Variants in GABRG1 observed in about 807,000 individuals in gnomAD.
GABRG1 encodes gamma-aminobutyric acid type A receptor subunit gamma1.
In GABRG1, 49 loss-of-function variants were observed where a neutral mutation model predicts 49.8. That is an observed-to-expected ratio of 0.98 (90% CI 0.78 to 1.25). The LOEUF is 1.25. Ranked by LOEUF, GABRG1 falls within the 50% of genes most tolerant of loss-of-function variation. The pLI is 0.00. For missense variants in GABRG1, 552 were observed against 552.3 expected, an observed-to-expected ratio of 1.00 and a Z score of 0.01; for synonymous variants, 232 against 185.1, an observed-to-expected ratio of 1.25 and a Z score of -2.06.
chr4:46,111,880 T>C (rs916670098), intron 1 of GABRG1, among the ~76,000 whole-genome samples: 2 of 151,262 alleles, frequency 1.3e-5, no homozygotes. Context: ...CTTCACACTG[T>C]AATAATCCTA....
At chr4:46,067,771 G>T (rs369094257) in intron 3 of GABRG1, among the ~76,000 whole-genome samples, 85 of 152,042 alleles carry the variant, frequency 5.6e-4, no homozygotes, top group Non-Finnish European at 1.0e-3. Context: ...AAGGCAAACC[G>T]CATCCCATAA....
chr4:46,046,390 T>A (rs2109393936), intron 8 of GABRG1, among the ~76,000 whole-genome samples: 1 of 152,234 alleles, frequency 6.6e-6, no homozygotes, highest in Non-Finnish European at 1.5e-5. Context: ...AACTGGTTAC[T>A]CTATCTATTG....
intron 2 of GABRG1, among the ~76,000 whole-genome samples, chr4:46,096,884 G>C (rs566292399): frequency 1.3e-5 from 2 of 151,594 alleles, no homozygotes; most frequent in Non-Finnish European, 3.0e-5. Flanking sequence ...TATAAAAATG[G>C]TCATTATTCT....
chr4:46,051,286 C>T, intron 8 of GABRG1, 138 bp downstream of exon 8: 1 of 632,174 alleles, frequency 1.6e-6, no homozygotes, highest in Non-Finnish European at 2.7e-6. Flanking sequence ...ATGTTAGGTA[C>T]TCCAGTTTCA....
Position 46,038,309 on chromosome 4 carries a change from A to C in GABRG1, c.*2679T>G, listed in dbSNP as rs1717611812. The C allele has an allele frequency of 6.6e-6, 1 of 151,626 alleles. No individual in the cohort carries two copies. The highest frequency in any genetic ancestry group is 2.1e-4 in the South Asian group (1 of 4,832). 9.4% of individuals were successfully genotyped at this position (151,626 alleles called of 1,614,324 possible). On this transcript the variant is annotated 3_prime_UTR_variant, in exon 9 of 9. Coordinates refer to ENST00000295452, the MANE Select transcript of GABRG1 (RefSeq NM_173536.4). ...ATAAAATATTACCCTGTCATTGTAA[A>C]TCCAAAATCACATTTTCCCCTCTCA...
At chr4:46,088,738 T>TAC (rs3069480) in intron 2 of GABRG1, among the ~76,000 whole-genome samples, 9,035 of 142,646 alleles carry the variant, frequency 0.063, 315 homozygotes, top group Non-Finnish European at 0.073. Flanking sequence ...CACTATAAAA[T>TAC]ACACACACAC....
rs377481920 is a variant in GABRG1, at chr4:46,118,132, G to GTGTGTATATATATATATATATA, written c.104+5677_104+5678insTATATATATATATATATACACA. On this transcript the variant is annotated intron_variant, in intron 1 of 8. Transcript: ENST00000295452. ...TATATACATATATACGTGTGTGTGTGTATATATATATATACAGCTACAGTA... is the reference window on the plus strand; with the variant it reads ...TATATACATATATACGTGTGTGTGTGTGTGTATATATATATATATATATATATATATATATACAGCTACAGTA... 4.2e-3 allele frequency among the ~76,000 whole-genome samples: 467 copies of GTGTGTATATATATATATATATA among 109,952 alleles called. 39 individuals are homozygous for GTGTGTATATATATATATATATA. Among genetic ancestry groups the GTGTGTATATATATATATATATA allele is most frequent in the African/African-American group, 0.025 (443 of 17,882 alleles). The allele number at this position is 109,952 out of a possible 152,430, so 72.1% of individuals were successfully genotyped here. A position where few individuals can be genotyped will look rare whatever the true frequency, so the allele number is the denominator to read the frequency against.
intron 3 of GABRG1, among the ~76,000 whole-genome samples, chr4:46,077,265 C>G (rs917334192): frequency 3.3e-5 from 5 of 151,324 alleles, no homozygotes; most frequent in Admixed American, 6.6e-5. Context: ...CAAACCTGCA[C>G]GTTGTGCACA....
At chr4:46,114,602 A>G (rs1345888654) in intron 1 of GABRG1, among the ~76,000 whole-genome samples, 1 of 150,952 alleles carries the variant, frequency 6.6e-6, no homozygotes, top group African/African-American at 2.4e-5. Context: ...ACCTACTCCC[A>G]AATCTGATAC....
chr4:46,086,740 A>G (rs1181765127), intron 2 of GABRG1, among the ~76,000 whole-genome samples: 1 of 151,642 alleles, frequency 6.6e-6, no homozygotes, highest in Non-Finnish European at 1.5e-5. Context: ...ATATAGGTAC[A>G]ATTCCAAGAA....
chr4:46,115,476 C>T (rs1720854901), intron 1 of GABRG1, among the ~76,000 whole-genome samples: 1 of 150,426 alleles, frequency 6.6e-6, no homozygotes, highest in Non-Finnish European at 1.5e-5. Context: ...GTTTCAACAA[C>T]AGCAACAATT....
intron 8 of GABRG1, among the ~76,000 whole-genome samples, chr4:46,048,547 G>A (rs1497573): frequency 0.51 from 75,872 of 149,570 alleles, 19,721 homozygotes; most frequent in African/African-American, 0.63. Context: ...ATCCCACCAT[G>A]CACCGACTCT....
At chr4:46,116,645 A>T (rs1371127313) in intron 1 of GABRG1, among the ~76,000 whole-genome samples, 1 of 150,834 alleles carries the variant, frequency 6.6e-6, no homozygotes, top group African/African-American at 2.4e-5. Flanking sequence ...TTGACAAAAG[A>T]TTGTCTTAGA....
rs1717744469 is a variant in GABRG1 at position 46,040,890 on chromosome 4, C to T, written c.*98G>A. 8.2e-7 allele frequency: 1 copy of T among 1,215,260 alleles called. No individual in the cohort carries two copies. The highest frequency in any genetic ancestry group is 1.2e-6 in the Non-Finnish European group (1 of 864,658). 75.3% of individuals were successfully genotyped at this position (1,215,260 alleles called of 1,614,324 possible). ...TACTATTCACATTTTAACCATTGGT[C>T]TCTCTGCATTTTAAATTTAAACTTC... On this transcript the variant is annotated 3_prime_UTR_variant, in exon 9 of 9. Transcript: ENST00000295452.
chr4:46,091,766 A>G (rs1280517354), intron 2 of GABRG1, among the ~76,000 whole-genome samples: 1 of 152,094 alleles, frequency 6.6e-6, no homozygotes, highest in Non-Finnish European at 1.5e-5. Flanking sequence ...AAAATGTCTG[A>G]TGAAATACAG....
chr4:46,047,724 C>T (rs548502740), intron 8 of GABRG1, among the ~76,000 whole-genome samples: 1 of 152,002 alleles, frequency 6.6e-6, no homozygotes, highest in East Asian at 1.9e-4. Context: ...TAACCTACTT[C>T]TGAAAAAGCA....
At chr4:46,067,835 A>G (rs1254168325) in intron 3 of GABRG1, among the ~76,000 whole-genome samples, 1 of 152,138 alleles carries the variant, frequency 6.6e-6, no homozygotes, top group Non-Finnish European at 1.5e-5. Flanking sequence ...ATTGAGTAAT[A>G]TTAATGGAGT....
At chr4:46,110,133 G>A (rs546030499) in intron 1 of GABRG1, among the ~76,000 whole-genome samples, 31 of 151,146 alleles carry the variant, frequency 2.1e-4, no homozygotes, top group African/African-American at 7.5e-4. Flanking sequence ...CTTCAACTAT[G>A]ATTGGGTGAC....
intron 3 of GABRG1, among the ~76,000 whole-genome samples, chr4:46,073,770 C>T (rs139379171): frequency 0.012 from 1,768 of 152,060 alleles, 18 homozygotes; most frequent in Non-Finnish European, 0.018. Context: ...TGATAAATTA[C>T]GCACAATAAG....
Sources: gnomAD v4.1 joint callset for allele counts (sites outside exome capture counted in the v4.1 genomes callset) on GRCh38, gnomAD v4.1.1 for gene constraint, MANE v1.5 for transcripts, NCBI Gene and HGNC (gene_info 2026-07-23, HGNC 2026-07-21) for gene names.